Variants in DNAH6 observed in about 807,000 individuals in gnomAD.
The protein encoded by DNAH6 is axonemal beta dynein heavy chain 6.
DNAH6 carries 340 observed loss-of-function variants against 491.4 expected under a neutral mutation model. The observed-to-expected ratio is 0.69, with a 90% CI of 0.63 to 0.76. The LOEUF (loss-of-function observed/expected upper bound fraction) is 0.76. DNAH6 is among the 30% of genes least tolerant of loss of function. The pLI, the probability that DNAH6 is intolerant of heterozygous loss-of-function variation, is 0.00. For missense variants in DNAH6, 4,443 were observed against 4,972.2 expected (o/e 0.89, Z 3.20); for synonymous variants, 1,603 against 1,686.1 (o/e 0.95, Z 1.21).
At chr2:84,509,770 G>C in the DNAH6 span, among the ~76,000 whole-genome samples, 8 of 152,134 alleles carry the variant, frequency 5.3e-5, no homozygotes, top group Non-Finnish European at 8.8e-5. Flanking sequence ...GGCAGGCCTG[G>C]TGGTGACAAA....
chr2:84,660,096 T>C (rs1691356615), intron 37 of DNAH6, among the ~76,000 whole-genome samples: 1 of 152,224 alleles, frequency 6.6e-6, no homozygotes, highest in Non-Finnish European at 1.5e-5. Context: ...GCAATGAGCA[T>C]ATCTAGTATA....
intron 21 of DNAH6, among the ~76,000 whole-genome samples, chr2:84,608,033 G>GT (rs1685946678): frequency 6.7e-6 from 1 of 148,730 alleles, no homozygotes; most frequent in African/African-American, 2.6e-5. Flanking sequence ...TTTCAACAAT[G>GT]TTTATAGCAT....
intron 48 of DNAH6, among the ~76,000 whole-genome samples, 172 bp from the exon 49 acceptor site, chr2:84,700,925 A>C (rs1324879756): frequency 2.0e-5 from 3 of 152,216 alleles, no homozygotes; most frequent in Non-Finnish European, 4.4e-5. Context: ...GGCACCCCTC[A>C]AATGGACAGA....
chr2:84,659,521 A>C (rs181169771), intron 37 of DNAH6, among the ~76,000 whole-genome samples: 224 of 152,326 alleles, frequency 1.5e-3, no homozygotes, highest in African/African-American at 5.2e-3. Flanking sequence ...TCTAAGATTG[A>C]CTAAATAAGT....
At chr2:84,711,617 A>T (rs1212000378) in intron 56 of DNAH6, among the ~76,000 whole-genome samples, 1 of 152,252 alleles carries the variant, frequency 6.6e-6, no homozygotes, top group East Asian at 1.9e-4. Flanking sequence ...ATCACAAGAT[A>T]GTTACTATTG....
intron 36 of DNAH6, 57 bp from the exon 37 acceptor site, chr2:84,658,969 G>T: frequency 1.8e-6 from 2 of 1,089,274 alleles, no homozygotes; most frequent in African/African-American, 1.6e-5. Flanking sequence ...TTGCAGCTTA[G>T]GATTCTTTTT....
chr2:84,726,060 C>T (rs1419372216), intron 60 of DNAH6, among the ~76,000 whole-genome samples: 12 of 152,284 alleles, frequency 7.9e-5, no homozygotes. Context: ...GGTGAGGAGA[C>T]TGACACAATC....
chr2:84,580,162 G>T (rs1682863207), intron 14 of DNAH6, among the ~76,000 whole-genome samples: 1 of 152,154 alleles, frequency 6.6e-6, no homozygotes, highest in Non-Finnish European at 1.5e-5. Flanking sequence ...CTGCATAATA[G>T]TCAGGAAACT....
In DNAH6 at chr2:84,518,012, G is replaced by T. The variant is rs780719163; in HGVS notation, c.186G>T (p.Lys62Asn). 2.6e-6 allele frequency: 4 copies of T among 1,534,552 alleles called. No homozygotes were observed. The South Asian group carries it at 3.6e-5, about 14-fold the overall frequency. The change falls in exon 2 of 77, where the codon AAG (lysine) becomes AAT (asparagine). Residue 62 changes from lysine to asparagine, a missense_variant. Coordinates refer to ENST00000389394, the MANE Select transcript of DNAH6 (RefSeq NM_001370.2). The part of the protein sequence containing the change: ...TFRHITKAQE[K>N]TRKRQQPIKL... ...GGCACATTACAAAAGCTCAGGAGAA[G>T]ACAAGAAAACGACAGCAGCCTATAA...
chr2:84,619,535 T>C, intron 23 of DNAH6, 150 bp from the exon 24 acceptor site: 1 of 670,238 alleles, frequency 1.5e-6, no homozygotes, highest in Non-Finnish European at 2.5e-6. Context: ...TAGAGATATG[T>C]GGCTTCCCCA....
chr2:84,806,550 C>T (rs1265006277), intron 71 of DNAH6, among the ~76,000 whole-genome samples: 1 of 133,476 alleles, frequency 7.5e-6, no homozygotes, highest in Non-Finnish European at 1.5e-5. Context: ...ACCCGGGAGG[C>T]GGAGCTCGCA....
At chr2:84,773,742 A>G (rs1675859624) in intron 64 of DNAH6, among the ~76,000 whole-genome samples, 1 of 152,104 alleles carries the variant, frequency 6.6e-6, no homozygotes, top group African/African-American at 2.4e-5. Flanking sequence ...CAGCCTCACC[A>G]GCATCTGTTA....
intron 32 of DNAH6, among the ~76,000 whole-genome samples, chr2:84,641,634 A>C (rs914027620): frequency 1.3e-5 from 2 of 152,218 alleles, no homozygotes; most frequent in Non-Finnish European, 2.9e-5. Flanking sequence ...TATTCTGGGC[A>C]GGGAGAAAAG....
chr2:84,614,951 T>C (rs1686702135), intron 22 of DNAH6, among the ~76,000 whole-genome samples: 2 of 152,256 alleles, frequency 1.3e-5, no homozygotes, highest in Admixed American at 6.5e-5. Context: ...ATTCTGAAGA[T>C]TTTTTCCCAC....
At chr2:84,794,892 G>A (rs1450378924) in intron 68 of DNAH6, among the ~76,000 whole-genome samples, 12 of 150,728 alleles carry the variant, frequency 8.0e-5, no homozygotes, top group Admixed American at 5.3e-4. Context: ...TGTTTATTGC[G>A]GCACTATTCA....
At chr2:84,465,229 C>T in the DNAH6 span, among the ~76,000 whole-genome samples, 1 of 152,198 alleles carries the variant, frequency 6.6e-6, no homozygotes, top group Non-Finnish European at 1.5e-5. Flanking sequence ...GGCGTGGTGG[C>T]TAACGCCTGT....
chr2:84,586,512 T>C (rs1324657681), intron 15 of DNAH6, among the ~76,000 whole-genome samples: 1 of 152,262 alleles, frequency 6.6e-6, no homozygotes, highest in Non-Finnish European at 1.5e-5. Context: ...TGTAGTTTAT[T>C]CATGTTTATT....
At chr2:84,721,943 T>C (rs1382631015) in intron 59 of DNAH6, among the ~76,000 whole-genome samples, 1 of 152,054 alleles carries the variant, frequency 6.6e-6, no homozygotes, top group African/African-American at 2.4e-5. Context: ...CAGACAGCAG[T>C]AGAAAGAGAG....
chr2:84,622,446 G>A (rs918528502), intron 26 of DNAH6, among the ~76,000 whole-genome samples: 1 of 151,916 alleles, frequency 6.6e-6, no homozygotes, highest in African/African-American at 2.4e-5. Flanking sequence ...GTAGAGACAG[G>A]GTCTCACTGT....
Sources: allele counts gnomAD v4.1 joint callset (sites outside exome capture counted in the v4.1 genomes callset), GRCh38; gene constraint gnomAD v4.1.1; transcripts MANE v1.5; gene names NCBI Gene and HGNC (gene_info 2026-07-23, HGNC 2026-07-21).